POLD1: variants seen among roughly 807,000 people sequenced by gnomAD.
The protein encoded by POLD1 is DNA polymerase delta catalytic subunit.
In POLD1, 79 loss-of-function variants were observed where a neutral mutation model predicts 129.7. The ratio of observed to expected loss-of-function variants is 0.61; its 90% CI spans 0.51 to 0.73. The LOEUF (loss-of-function observed/expected upper bound fraction) is 0.73, where lower values mean the gene tolerates loss of function less well. Ranked by LOEUF, POLD1 falls within the 30% of genes least tolerant of loss-of-function variation. The pLI is 0.00. For missense variants in POLD1, 1,338 were observed against 1,595.8 expected, an observed-to-expected ratio of 0.84 and a Z score of 2.75; for synonymous variants, 714 against 683.3, an observed-to-expected ratio of 1.04 and a Z score of -0.70.
chr19:50,395,842 A>G (rs1381064480), intron 1 of POLD1, among the ~76,000 whole-genome samples: 2 of 148,836 alleles, frequency 1.3e-5, no homozygotes, highest in East Asian at 2.0e-4. Flanking sequence ...TTTAACCTGC[A>G]TATAACCTTG....
At chr19:50,407,496 T>G in intron 14 of POLD1, 81 bp downstream of exon 14, 2 of 864,616 alleles carry the variant, frequency 2.3e-6, no homozygotes, top group Non-Finnish European at 3.5e-6. Flanking sequence ...CTCAGGAGTT[T>G]GAGACCAGCC....
chr19:50,407,796 C>T (rs1357066249), intron 14 of POLD1, among the ~76,000 whole-genome samples: 13 of 142,072 alleles, frequency 9.2e-5, no homozygotes, highest in Admixed American at 5.8e-4. Flanking sequence ...AGGATGGTCT[C>T]GATCTGACCT....
chr19:50,402,795 G>T (rs554836910), intron 8 of POLD1, 54 bp downstream of exon 8: 107 of 1,548,182 alleles, frequency 6.9e-5, no homozygotes, highest in Admixed American at 1.5e-4. Context: ...CAAGTCGGGG[G>T]TCGGAAAGGC....
intron 18 of POLD1, 68 bp downstream of exon 18, chr19:50,413,589 AC>A: frequency 6.5e-7 from 1 of 1,534,434 alleles, no homozygotes. Context: ...GCCGGGCCGG[AC>A]CCCCATGTCC....
At position 50,417,671 on chromosome 19, in the gene POLD1, TCCCC is replaced by T. The variant is rs3840923; in HGVS notation, c.3219-164_3219-161del. 9.9e-3 allele frequency among the ~76,000 whole-genome samples: 1,093 copies of T among 110,540 alleles called. 38 individuals are homozygous for T. The highest frequency in any genetic ancestry group is 0.026 in the African/African-American group (620 of 23,400). 72.5% of individuals were successfully genotyped at this position (110,540 alleles called of 152,430 possible). The stretch of plus-strand genomic sequence containing the variant: ...TCGCCAGGCACCCGCTGTTATCGGC[TCCCC>T]CCCCCCACCCCCCCCGTGCCTGCTG... On this transcript the variant is annotated intron_variant, in intron 26 of 26. Coordinates refer to ENST00000440232, the MANE Select transcript of POLD1 (RefSeq NM_002691.4).
chr19:50,414,670 C>T (rs903088913), intron 19 of POLD1, 145 bp from the exon 20 acceptor site: 8 of 579,954 alleles, frequency 1.4e-5, no homozygotes, highest in Admixed American at 3.8e-5. Context: ...TACAGTGTCT[C>T]GGTCCATCCC....
Position 50,416,442 on chromosome 19 carries a change from A to G in POLD1, c.2867A>G (p.Tyr956Cys), listed in dbSNP as rs1343793547. 1 of 1,550,048 alleles carries G rather than the reference A, an allele frequency of 6.5e-7. No individual in the cohort carries two copies. The highest frequency in any genetic ancestry group is 8.7e-7 in the Non-Finnish European group (1 of 1,147,496). ...LEHSLPIDTQ[Y>C]YLEQQLAKPL... ...CACAGCCTGCCCATTGACACGCAGT[A>G]CTACCTGGAGCAGCAGCTGGCCAAG... Residue 956 changes from tyrosine to cysteine, a missense_variant, in exon 23 of 27, where the codon TAC becomes TGC. Tyr to Cys is a radical substitution (Grantham distance 194). Coordinates refer to ENST00000440232, the MANE Select transcript of POLD1 (RefSeq NM_002691.4).
chr19:50,388,537 CTACA>C (rs2038045239), intron 1 of POLD1, among the ~76,000 whole-genome samples: 1 of 152,184 alleles, frequency 6.6e-6, no homozygotes, highest in Non-Finnish European at 1.5e-5. Context: ...AAAAAGATTT[CTACA>C]TACTCTTCTG....
chr19:50,389,636 G>C (rs1209082500), intron 1 of POLD1, among the ~76,000 whole-genome samples: 2 of 151,402 alleles, frequency 1.3e-5, no homozygotes, highest in Admixed American at 1.3e-4. Context: ...GCCCAGGCTG[G>C]AGTGCAGTGG....
rs1156979369 is a variant in POLD1 at position 50,406,133 on chromosome 19, A to C, written c.1243-49A>C. 1 of 1,590,884 alleles carries C rather than the reference A, an allele frequency of 6.3e-7. No homozygotes were observed. The highest frequency in any genetic ancestry group is 8.6e-7 in the Non-Finnish European group (1 of 1,164,688). On this transcript the variant is annotated intron_variant, in intron 10 of 26. Transcript: ENST00000440232. This position sits in a 1 kb window ranked among gnomAD's most constrained non-coding sequence, Gnocchi z 5.5. ...GTCTCAATCTCCGTTCTTCAGGCTT[A>C]TGTGACGGGGACCCGCAGCCTGCTG...
chr19:50,411,022 A>G (rs544693589), intron 17 of POLD1: 3 of 146,312 alleles, frequency 2.1e-5, no homozygotes, highest in African/African-American at 8.0e-5. Context: ...CAGTGGCACA[A>G]TCGTGGCTCA....
intron 8 of POLD1, 112 bp downstream of exon 8, chr19:50,402,853 AC>A: frequency 7.0e-7 from 1 of 1,426,886 alleles, no homozygotes. Flanking sequence ...GGGCAGGAGC[AC>A]CCCAGCCCAT....
In POLD1 at chr19:50,407,001, C is replaced by T. The variant is rs1271321739; in HGVS notation, c.1513C>T (p.Arg505Cys). The T allele has an allele frequency of 1.9e-6, 3 of 1,604,172 alleles. No individual in the cohort carries two copies. Among genetic ancestry groups the T allele is most frequent in the Non-Finnish European group, 1.7e-6 (2 of 1,174,896 alleles). ...TDLQNGNDQT[R>C]RRLAVYCLKD... ...TCCCCAGAATGGGAACGACCAGACC[C>T]GCCGCCGCCTGGCTGTGTACTGCCT... is the stretch of plus-strand genomic sequence containing the variant. The change falls in exon 13 of 27, where the codon CGC (arginine) becomes TGC (cysteine). Residue 505 changes from arginine (R) to cysteine (C), a missense_variant. Physicochemically the swap from Arg to Cys is radical, Grantham distance 180. This residue lies in a region of POLD1 where 720 missense variants were observed against 1,002.6 expected (regional missense o/e 0.72). Coordinates refer to ENST00000440232, the MANE Select transcript of POLD1 (RefSeq NM_002691.4).
Position 50,407,182 on chromosome 19 carries a change from G to A in POLD1, c.1686+8G>A, listed in dbSNP as rs200149305. ...TCCCAGCTGTTGCGGCAGGTCAGTA[G>A]CCGAGACTTGTCCTCGCCACCCCCC... On this transcript the variant is annotated splice_region_variant and intron_variant, in intron 13 of 26. Coordinates refer to ENST00000440232, the MANE Select transcript of POLD1 (RefSeq NM_002691.4). 3 of 1,594,160 alleles carry A rather than the reference G, an allele frequency of 1.9e-6. No individual in the cohort carries two copies. The highest frequency in any genetic ancestry group is 3.4e-5 in the Admixed American group (2 of 59,218).
Position 50,406,139 on chromosome 19 carries a change from CG to C in POLD1, c.1243-39del. The C allele has an allele frequency of 1.3e-6, 2 of 1,594,126 alleles. No individual in the cohort carries two copies. The highest frequency in any genetic ancestry group is 1.7e-6 in the Non-Finnish European group (2 of 1,166,838). The stretch of plus-strand genomic sequence containing the variant: ...ATCTCCGTTCTTCAGGCTTATGTGA[CG>C]GGGACCCGCAGCCTGCTGCACACCC... On this transcript the variant is annotated intron_variant, in intron 10 of 26. Transcript: ENST00000440232. The surrounding 1 kb of genome is among the most constrained non-coding windows in gnomAD (Gnocchi z 5.5).
chr19:50,411,615 C>T (rs1601233253), intron 17 of POLD1, among the ~76,000 whole-genome samples: 1 of 152,078 alleles, frequency 6.6e-6, no homozygotes, highest in Non-Finnish European at 1.5e-5. Context: ...CCGAGGCGGG[C>T]GGATCACGAG....
intron 10 of POLD1, among the ~76,000 whole-genome samples, chr19:50,404,574 CTTTTTTT>C (rs71182717): frequency 5.1e-5 from 4 of 77,870 alleles, no homozygotes; most frequent in East Asian, 3.4e-4. Context: ...TTTTCTCTTT[CTTTTTTT>C]TTTTTTTTTT....
rs1022151715 is a variant in POLD1, at chr19:50,391,773, C to T, written c.-1-7078C>T. On this transcript the variant is annotated intron_variant, in intron 1 of 26. Coordinates refer to ENST00000440232, the MANE Select transcript of POLD1 (RefSeq NM_002691.4). ...TGTTGCCCGGGCTGGAGTGCAATGG[C>T]GCAATCTTGGCTCACTGCAACCTCC... 1.1e-4 allele frequency among the ~76,000 whole-genome samples: 16 copies of T among 152,174 alleles called. No individual in the cohort carries two copies. The East Asian group carries it at 2.3e-3, about 22-fold the overall frequency.
At position 50,406,491 on chromosome 19, in the gene POLD1, C is replaced by T. The variant is rs2038889148; in HGVS notation, c.1468C>T (p.Gln490Ter). 2 of 1,592,000 alleles carry T rather than the reference C, an allele frequency of 1.3e-6. No homozygotes were observed. Among genetic ancestry groups the T allele is most frequent in the Non-Finnish European group, 1.7e-6 (2 of 1,168,864 alleles). The stretch of plus-strand genomic sequence containing the variant: ...CCTGGGCGAGCAGAAGGAGGACGTG[C>T]AGCACAGCATCATCACCGACCTGCA... ...HFLGEQKEDVQHSIITDLQNG... is the reference protein window; with the variant it reads ...HFLGEQKEDV The change falls in exon 12 of 27, where the codon CAG (glutamine) becomes TAG (stop). Residue 490 changes from glutamine (Q) to a stop codon, truncating the protein, a stop_gained. Coordinates refer to ENST00000440232, the MANE Select transcript of POLD1 (RefSeq NM_002691.4). LOFTEE classifies it high-confidence loss of function. This position sits in a 1 kb window ranked among gnomAD's most constrained non-coding sequence, Gnocchi z 5.5.
Sources: gnomAD v4.1 joint callset for allele counts (sites outside exome capture counted in the v4.1 genomes callset) on GRCh38, gnomAD v4.1.1 for gene constraint, gnomAD v4.1.1 regional missense constraint, Gnocchi (gnomAD v3.1) non-coding constraint, MANE v1.5 for transcripts, NCBI Gene and HGNC (gene_info 2026-07-23, HGNC 2026-07-21) for gene names.